The following TP63 variants were observed in gnomAD, a reference collection of about 807,000 sequenced individuals.
The protein encoded by TP63 is tumor protein 63.
A neutral mutation model predicts 82.8 loss-of-function variants in TP63; 17 were observed. That is an observed-to-expected ratio of 0.21 (90% confidence interval 0.14 to 0.31). The LOEUF is 0.31. Among genes scored for constraint, TP63 ranks in the 10% least tolerant of loss-of-function variants. The pLI, the probability that TP63 is intolerant of heterozygous loss-of-function variation, is 1.00. For missense variants in TP63, 648 were observed against 895.3 expected (o/e 0.72, Z 3.52); for synonymous variants, 330 against 321.7 (o/e 1.03, Z -0.28).
intron 4 of TP63, among the ~76,000 whole-genome samples, chr3:189,861,943 T>C (rs1577129222): frequency 2.6e-5 from 4 of 152,236 alleles, no homozygotes; most frequent in Admixed American, 1.3e-4. Context: ...TTATCTGTTA[T>C]CTACAATTCT....
chr3:189,715,935 T>C (rs1207800025), intron 1 of TP63, among the ~76,000 whole-genome samples: 1 of 152,216 alleles, frequency 6.6e-6, no homozygotes, highest in Non-Finnish European at 1.5e-5. Flanking sequence ...TGGATTTCAC[T>C]TTCAACCACT....
the TP63 span, among the ~76,000 whole-genome samples, chr3:189,624,340 G>A: frequency 2.6e-5 from 4 of 151,956 alleles, no homozygotes; most frequent in African/African-American, 9.7e-5. Context: ...CTTTACATAT[G>A]TGTGGTTTTT....
At chr3:189,886,300 G>A (rs1391731103) in intron 10 of TP63, 94 bp from the exon 11 acceptor site, 3 of 1,378,784 alleles carry the variant, frequency 2.2e-6, no homozygotes, top group East Asian at 4.6e-5. Context: ...TGTTTGGTTT[G>A]AGGCCATGTT....
At position 189,872,534 on chromosome 3, in the gene TP63, A is replaced by G. The variant is rs574051825; in HGVS notation, c.1213-325A>G. 1.2e-3 allele frequency among the ~76,000 whole-genome samples: 176 copies of G among 152,230 alleles called. 1 individual carries two copies. Among genetic ancestry groups the G allele is most frequent in the African/African-American group, 4.0e-3 (167 of 41,538 alleles). On this transcript the variant is annotated intron_variant, in intron 9 of 13. Transcript: ENST00000264731. ...GGTCTTTTAAATAACAAAATCACCA[A>G]TGAAAAGCACAAAAATGTAAAACAC...
intron 1 of TP63, among the ~76,000 whole-genome samples, chr3:189,660,386 A>G (rs917943641): frequency 1.3e-5 from 2 of 151,778 alleles, no homozygotes; most frequent in East Asian, 3.9e-4. Context: ...TGGGTTCTCT[A>G]TTCTGTTCCA....
At chr3:189,674,846 A>G (rs1053362345) in intron 1 of TP63, among the ~76,000 whole-genome samples, 2 of 152,162 alleles carry the variant, frequency 1.3e-5, no homozygotes, top group Non-Finnish European at 2.9e-5. Context: ...TAAGGTGATA[A>G]TGATATTAAC....
At chr3:189,650,264 A>G (rs1277641100) in intron 1 of TP63, among the ~76,000 whole-genome samples, 1 of 147,294 alleles carries the variant, frequency 6.8e-6, no homozygotes, top group Non-Finnish European at 1.5e-5. Flanking sequence ...TTTCTTGTTT[A>G]ACAAAACACT....
chr3:189,797,141 T>C (rs1290762475), intron 3 of TP63, among the ~76,000 whole-genome samples: 1 of 152,118 alleles, frequency 6.6e-6, no homozygotes, highest in Non-Finnish European at 1.5e-5. Flanking sequence ...TTGTCTGTAT[T>C]TCTTAAATGG....
chr3:189,761,907 CG>C (rs897970644), intron 3 of TP63, among the ~76,000 whole-genome samples: 68 of 152,262 alleles, frequency 4.5e-4, no homozygotes, highest in Admixed American at 2.5e-3. Flanking sequence ...GAGAAACCCC[CG>C]TTTTTAAAAC....
At chr3:189,722,405 G>A (rs1242478500) in intron 1 of TP63, among the ~76,000 whole-genome samples, 1 of 152,184 alleles carries the variant, frequency 6.6e-6, no homozygotes, top group African/African-American at 2.4e-5. Context: ...CTGATAACAA[G>A]GTCAAAAGTC....
At chr3:189,706,407 C>A (rs577402060) in intron 1 of TP63, among the ~76,000 whole-genome samples, 1 of 152,168 alleles carries the variant, frequency 6.6e-6, no homozygotes, top group Admixed American at 6.5e-5. Flanking sequence ...AGGCACCCAC[C>A]ACCATGCCTG....
intron 1 of TP63, among the ~76,000 whole-genome samples, chr3:189,677,902 C>A (rs529632472): frequency 6.6e-6 from 1 of 151,654 alleles, no homozygotes; most frequent in African/African-American, 2.4e-5. Flanking sequence ...TCTTCTGAAA[C>A]GTGTCTGTTC....
At chr3:189,765,454 T>TTTTTTTTTTTTTTTTTA (rs56223992) in intron 3 of TP63, among the ~76,000 whole-genome samples, 1 of 135,590 alleles carries the variant, frequency 7.4e-6, no homozygotes, top group East Asian at 2.1e-4. Context: ...TTTTTTTTTT[T>TTTTTTTTTTTTTTTTTA]GAGACAGAGT....
At chr3:189,820,314 A>G (rs1487499506) in intron 4 of TP63, among the ~76,000 whole-genome samples, 2 of 152,218 alleles carry the variant, frequency 1.3e-5, no homozygotes, top group African/African-American at 2.4e-5. Flanking sequence ...GCAATTAAAT[A>G]TACGACCATT....
intron 7 of TP63, 146 bp downstream of exon 7, chr3:189,868,088 A>T: frequency 4.0e-6 from 3 of 756,034 alleles, no homozygotes; most frequent in Non-Finnish European, 4.6e-6. Flanking sequence ...AAACGGTTAC[A>T]TAAAAGATCT....
chr3:189,652,020 G>T (rs1422204913), intron 1 of TP63, among the ~76,000 whole-genome samples: 1 of 147,146 alleles, frequency 6.8e-6, no homozygotes, highest in Non-Finnish European at 1.5e-5. Flanking sequence ...GAAGTTTGCT[G>T]CAGGAGTAGA....
chr3:189,695,496 A>G (rs2108729628), intron 1 of TP63, among the ~76,000 whole-genome samples: 1 of 152,248 alleles, frequency 6.6e-6, no homozygotes, highest in South Asian at 2.1e-4. Flanking sequence ...AGTTTTAGAA[A>G]CCAAGAACTG....
At position 189,774,145 on chromosome 3, in the gene TP63, A is replaced by G. The variant is rs537520227; in HGVS notation, c.325-34127A>G. On this transcript the variant is annotated intron_variant, in intron 3 of 13. Transcript: ENST00000264731. ...CACCGTGTTAGCCAGGATGGTCTCGATCTCCTGATCTCGTGATCCGCCCGC... is the reference window on the plus strand; with the variant it reads ...CACCGTGTTAGCCAGGATGGTCTCGGTCTCCTGATCTCGTGATCCGCCCGC... 1.4e-3 allele frequency among the ~76,000 whole-genome samples: 213 copies of G among 151,910 alleles called. 1 individual carries two copies. The highest frequency in any genetic ancestry group is 2.4e-3 in the Non-Finnish European group (160 of 67,938).
chr3:189,756,533 G>C (rs1344806292), intron 3 of TP63, among the ~76,000 whole-genome samples: 2 of 152,150 alleles, frequency 1.3e-5, no homozygotes, highest in African/African-American at 4.8e-5. Flanking sequence ...AAGGGAAAGA[G>C]TTTTCTTTCT....
Sources: gnomAD v4.1 joint callset for allele counts (sites outside exome capture counted in the v4.1 genomes callset) on GRCh38, gnomAD v4.1.1 for gene constraint, MANE v1.5 for transcripts, NCBI Gene and HGNC (gene_info 2026-07-23, HGNC 2026-07-21) for gene names.